The following IL7 variants were observed in gnomAD, a reference collection of about 807,000 sequenced individuals.
The protein encoded by IL7 is interleukin 7, also known as interleukin-7.
A neutral mutation model predicts 21.6 loss-of-function variants in IL7; 3 were observed. The observed-to-expected ratio is 0.14, with a 90% CI of 0.06 to 0.36. The LOEUF is 0.36. IL7 is among the 10% of genes least tolerant of loss of function. The pLI is 1.00. For synonymous variants in IL7, 62 were observed against 68.1 expected (o/e 0.91, Z 0.44); for missense variants, 175 against 200.2 (o/e 0.87, Z 0.76).
chr8:78,747,660 T>G (rs1812029533), intron 2 of IL7, among the ~76,000 whole-genome samples: 1 of 152,234 alleles, frequency 6.6e-6, no homozygotes, highest in South Asian at 2.1e-4. Flanking sequence ...TAGTTAATTC[T>G]TAGTTTAAAT....
intron 3 of IL7, chr8:78,697,387 T>C: frequency 1.3e-6 from 2 of 1,527,850 alleles, no homozygotes; most frequent in African/African-American, 1.4e-5. Flanking sequence ...TTGATTAATA[T>C]TTTTTTTCCA....
At chr8:78,684,822 A>G (rs1350427945) in intron 4 of IL7, among the ~76,000 whole-genome samples, 1 of 152,208 alleles carries the variant, frequency 6.6e-6, no homozygotes, top group Non-Finnish European at 1.5e-5. Flanking sequence ...GACTTCCACA[A>G]AGTAAAAAAA....
At chr8:78,723,463 T>G (rs1811284667) in intron 3 of IL7, among the ~76,000 whole-genome samples, 1 of 152,074 alleles carries the variant, frequency 6.6e-6, no homozygotes, top group African/African-American at 2.4e-5. Context: ...CTTGGCATCT[T>G]GTTGAAAATA....
intron 2 of IL7, among the ~76,000 whole-genome samples, chr8:78,790,772 T>G (rs1813661781): frequency 6.6e-6 from 1 of 151,944 alleles, no homozygotes; most frequent in African/African-American, 2.4e-5. Context: ...AAACCTATAT[T>G]CTGAAAACTA....
At chr8:78,721,988 A>G (rs1218828413) in intron 3 of IL7, among the ~76,000 whole-genome samples, 3 of 152,014 alleles carry the variant, frequency 2.0e-5, no homozygotes, top group Admixed American at 1.3e-4. Context: ...AAATTTTCAA[A>G]TAACGTTTGT....
downstream of IL7, chr8:78,715,217 A>G (rs779326116): frequency 6.2e-7 from 1 of 1,610,462 alleles, no homozygotes; most frequent in Non-Finnish European, 8.5e-7. Context: ...CCTCTTTTTT[A>G]TAGAGCTAAT....
chr8:78,773,568 C>A (rs543065305), intron 2 of IL7, among the ~76,000 whole-genome samples: 1 of 151,884 alleles, frequency 6.6e-6, no homozygotes, highest in South Asian at 2.1e-4. Context: ...TGGTGCTGGG[C>A]GTGTAAGGGG....
At chr8:78,685,646 G>T (rs966008706) in intron 4 of IL7, among the ~76,000 whole-genome samples, 1 of 152,178 alleles carries the variant, frequency 6.6e-6, no homozygotes, top group Non-Finnish European at 1.5e-5. Context: ...TACATTAAAT[G>T]ATTCTTAGTA....
downstream of IL7, chr8:78,717,417 A>G: frequency 6.2e-7 from 1 of 1,613,448 alleles, no homozygotes. Context: ...AAATTCTGCC[A>G]TGAGTGTGGG....
chr8:78,754,942 T>C (rs960238960), intron 2 of IL7, among the ~76,000 whole-genome samples: 1 of 152,142 alleles, frequency 6.6e-6, no homozygotes, highest in African/African-American at 2.4e-5. Context: ...CTATATTCTC[T>C]TCTAGTGGTT....
chr8:78,692,286 G>A (rs1340863472), intron 3 of IL7, among the ~76,000 whole-genome samples: 1 of 152,168 alleles, frequency 6.6e-6, no homozygotes, highest in East Asian at 1.9e-4. Flanking sequence ...GTGAGTACAT[G>A]TGGTATTCAC....
chr8:78,727,876 C>T (rs983863610), downstream of IL7, among the ~76,000 whole-genome samples: 11 of 151,876 alleles, frequency 7.2e-5, no homozygotes, highest in African/African-American at 2.4e-4. Context: ...TGTAGAAAAT[C>T]TCACTCCATA....
chr8:78,685,343 A>C (rs1175255820), intron 4 of IL7, among the ~76,000 whole-genome samples: 1 of 152,228 alleles, frequency 6.6e-6, no homozygotes, highest in Non-Finnish European at 1.5e-5. Flanking sequence ...AGGAAATTTT[A>C]ATTGAAACTG....
chr8:78,754,748 G>A (rs933124630), intron 2 of IL7, among the ~76,000 whole-genome samples: 1 of 152,106 alleles, frequency 6.6e-6, no homozygotes, highest in South Asian at 2.1e-4. Flanking sequence ...CTTGTTGGAT[G>A]AATAATTTGC....
At chr8:78,773,893 T>TA (rs1371952169) in intron 2 of IL7, among the ~76,000 whole-genome samples, 1 of 152,128 alleles carries the variant, frequency 6.6e-6, no homozygotes, top group Non-Finnish European at 1.5e-5. Context: ...AGGCTGTCTG[T>TA]AGGAATTCTG....
At chr8:78,802,434 C>CTTTT (rs1237582264) in intron 1 of IL7, among the ~76,000 whole-genome samples, 2 of 143,476 alleles carry the variant, frequency 1.4e-5, no homozygotes, top group African/African-American at 5.1e-5. Context: ...TTTTCTCTCT[C>CTTTT]TTTTTTTTTT....
At chr8:78,738,147 A>C (rs963706754) in intron 4 of IL7, among the ~76,000 whole-genome samples, 2 of 152,164 alleles carry the variant, frequency 1.3e-5, no homozygotes, top group Admixed American at 1.3e-4. Flanking sequence ...ATTGACTAGG[A>C]GTTCTTGTAA....
At chr8:78,767,110 A>C (rs1193347488) in intron 2 of IL7, among the ~76,000 whole-genome samples, 1 of 152,006 alleles carries the variant, frequency 6.6e-6, no homozygotes, top group Non-Finnish European at 1.5e-5. Context: ...ACTTTCTTAT[A>C]AGTTTTTTGT....
chr8:78,713,991 A>G (rs1046854956), downstream of IL7, among the ~76,000 whole-genome samples: 3 of 152,190 alleles, frequency 2.0e-5, no homozygotes, highest in Non-Finnish European at 2.9e-5. Context: ...GCTATTTACA[A>G]TTTTAGGGTA....
Sources: gnomAD v4.1 joint callset for allele counts (sites outside exome capture counted in the v4.1 genomes callset) on GRCh38, gnomAD v4.1.1 for gene constraint, MANE v1.5 for transcripts, NCBI Gene and HGNC (gene_info 2026-07-23, HGNC 2026-07-21) for gene names.